Variants in RIMS1 observed in about 807,000 individuals in gnomAD.
RIMS1 encodes the protein regulating synaptic membrane exocytosis 1, also known as regulating synaptic membrane exocytosis protein 1.
Under a neutral mutation model 214.1 loss-of-function variants are expected in RIMS1, and 83 were observed. That is an observed-to-expected ratio of 0.39 (90% confidence interval 0.32 to 0.47). RIMS1 has a LOEUF of 0.47. Ranked by LOEUF, RIMS1 falls within the 20% of genes least tolerant of loss-of-function variation. The pLI is 0.99. For missense variants in RIMS1, 2,050 were observed against 2,161.8 expected (o/e 0.95, Z 1.03); for synonymous variants, 793 against 786.8 (o/e 1.01, Z -0.13).
At chr6:72,315,440 A>C (rs1310771271) in intron 28 of RIMS1, among the ~76,000 whole-genome samples, 3 of 152,178 alleles carry the variant, frequency 2.0e-5, no homozygotes, top group African/African-American at 4.8e-5. Context: ...GGATTATGTA[A>C]ATTTAAGCAC....
At chr6:72,116,268 T>C (rs1371932967) in intron 4 of RIMS1, among the ~76,000 whole-genome samples, 5 of 151,940 alleles carry the variant, frequency 3.3e-5, no homozygotes, top group African/African-American at 1.2e-4. Flanking sequence ...TGGTGAGCTT[T>C]ATTAGGTTGG....
At chr6:72,369,309 A>G (rs766032653) in intron 29 of RIMS1, among the ~76,000 whole-genome samples, 56 of 152,064 alleles carry the variant, frequency 3.7e-4, no homozygotes, top group Non-Finnish European at 6.3e-4. Flanking sequence ...GAGGATAGTG[A>G]GTGATAGAGA....
intron 2 of RIMS1, among the ~76,000 whole-genome samples, chr6:71,973,479 A>G (rs1262554827): frequency 6.6e-6 from 1 of 152,130 alleles, no homozygotes; most frequent in African/African-American, 2.4e-5. Context: ...TTCATGGAAT[A>G]GTTCTTCATC....
chr6:72,299,620 G>A (rs1169881808), intron 26 of RIMS1, among the ~76,000 whole-genome samples: 2 of 151,732 alleles, frequency 1.3e-5, no homozygotes, highest in African/African-American at 4.8e-5. Context: ...TGAATGCTAA[G>A]TTATGCAAAC....
intron 1 of RIMS1, among the ~76,000 whole-genome samples, chr6:71,932,277 C>T (rs752856140): frequency 3.3e-5 from 5 of 152,128 alleles, no homozygotes; most frequent in African/African-American, 7.2e-5. Flanking sequence ...CATATAACCA[C>T]GGAATACCAT....
intron 2 of RIMS1, among the ~76,000 whole-genome samples, chr6:72,065,667 A>G (rs1481866991): frequency 6.6e-6 from 1 of 152,084 alleles, no homozygotes; most frequent in African/African-American, 2.4e-5. Flanking sequence ...ATTTATCTCA[A>G]TTGATACTCA....
chr6:71,950,006 A>G (rs1050957466), intron 1 of RIMS1, among the ~76,000 whole-genome samples: 1 of 152,218 alleles, frequency 6.6e-6, no homozygotes, highest in African/African-American at 2.4e-5. Flanking sequence ...TGGTAAATCC[A>G]TAAGGTAGAG....
chr6:72,015,418 A>T (rs913054998), intron 2 of RIMS1, among the ~76,000 whole-genome samples: 6 of 152,248 alleles, frequency 3.9e-5, no homozygotes, highest in Admixed American at 1.3e-4. Flanking sequence ...TAATCCTAAC[A>T]AGTTATTTGT....
intron 1 of RIMS1, among the ~76,000 whole-genome samples, chr6:71,954,891 A>C (rs556637384): frequency 6.6e-6 from 1 of 151,410 alleles, no homozygotes; most frequent in East Asian, 1.9e-4. Flanking sequence ...ACACACACAC[A>C]CACCTAGAGG....
chr6:72,142,499 A>G (rs1397074788), intron 4 of RIMS1, among the ~76,000 whole-genome samples: 1 of 152,094 alleles, frequency 6.6e-6, no homozygotes, highest in Admixed American at 6.5e-5. Context: ...AATTATTCAT[A>G]TATTATTTTC....
intron 6 of RIMS1, among the ~76,000 whole-genome samples, chr6:72,192,613 G>A (rs1313960182): frequency 2.0e-5 from 3 of 152,206 alleles, no homozygotes; most frequent in Non-Finnish European, 4.4e-5. Context: ...GGAACACTGT[G>A]ATTAATTAGC....
chr6:71,922,836 G>A (rs1184711210), intron 1 of RIMS1, among the ~76,000 whole-genome samples: 1 of 152,144 alleles, frequency 6.6e-6, no homozygotes, highest in Non-Finnish European at 1.5e-5. Context: ...TATGACCTTG[G>A]AAAAGTCATC....
intron 4 of RIMS1, among the ~76,000 whole-genome samples, chr6:72,165,259 C>G (rs2046094179): frequency 6.6e-6 from 1 of 152,174 alleles, no homozygotes; most frequent in Non-Finnish European, 1.5e-5. Context: ...CACAAGTCTA[C>G]TTAGTTCTTA....
intron 10 of RIMS1, among the ~76,000 whole-genome samples, chr6:72,242,760 T>C (rs1467963978): frequency 2.0e-5 from 3 of 151,848 alleles, no homozygotes; most frequent in Non-Finnish European, 1.5e-5. Flanking sequence ...TAATAAGTAG[T>C]ATTTCCTTTA....
chr6:71,988,337 T>G (rs906890475), intron 2 of RIMS1, among the ~76,000 whole-genome samples: 14 of 152,266 alleles, frequency 9.2e-5, no homozygotes, highest in Admixed American at 8.5e-4. Flanking sequence ...CTTGTCTATC[T>G]TATTCTTTTC....
At chr6:72,243,112 A>G (rs1023515845) in intron 10 of RIMS1, among the ~76,000 whole-genome samples, 1 of 151,714 alleles carries the variant, frequency 6.6e-6, no homozygotes, top group Non-Finnish European at 1.5e-5. Flanking sequence ...GCCAGTCTAT[A>G]ATTTTTAAGG....
intron 22 of RIMS1, among the ~76,000 whole-genome samples, chr6:72,269,011 AT>A (rs1371828902): frequency 6.6e-6 from 1 of 152,130 alleles, no homozygotes; most frequent in Non-Finnish European, 1.5e-5. Context: ...TTCAGAAGCA[AT>A]GATTTTTAGA....
chr6:71,957,857 T>A (rs1232423850), intron 1 of RIMS1, among the ~76,000 whole-genome samples: 1 of 151,466 alleles, frequency 6.6e-6, no homozygotes, highest in East Asian at 1.9e-4. Flanking sequence ...TGCTTGATCT[T>A]GTTGTTTTTA....
chr6:72,251,480 G>T, intron 15 of RIMS1, 112 bp downstream of exon 15: 1 of 881,186 alleles, frequency 1.1e-6, no homozygotes, highest in South Asian at 2.6e-5. Flanking sequence ...TCAAAATACT[G>T]GAAAATTGTT....
Sources: gnomAD v4.1 joint callset for allele counts (sites outside exome capture counted in the v4.1 genomes callset) on GRCh38, gnomAD v4.1.1 for gene constraint, MANE v1.5 for transcripts, NCBI Gene and HGNC (gene_info 2026-07-23, HGNC 2026-07-21) for gene names.